The following VPS13A variants were observed in gnomAD, a reference collection of about 807,000 sequenced individuals.
VPS13A encodes the protein vacuolar protein sorting 13 homolog A, also known as intermembrane lipid transfer protein VPS13A.
Under a neutral mutation model 390.9 loss-of-function variants are expected in VPS13A, and 264 were observed. The observed-to-expected ratio is 0.68, with a 90% CI of 0.61 to 0.75. The LOEUF (loss-of-function observed/expected upper bound fraction) is 0.75. Ranked by LOEUF, VPS13A falls within the 30% of genes least tolerant of loss-of-function variation. The pLI, the probability that VPS13A is intolerant of heterozygous loss-of-function variation, is 0.00. For missense variants in VPS13A, 3,409 were observed against 3,733.9 expected, an observed-to-expected ratio of 0.91 and a Z score of 2.27; for synonymous variants, 1,231 against 1,227.1, an observed-to-expected ratio of 1.00 and a Z score of -0.07.
intron 3 of VPS13A, among the ~76,000 whole-genome samples, chr9:77,203,220 A>G (rs546100690): frequency 7.9e-4 from 120 of 152,260 alleles, no homozygotes; most frequent in African/African-American, 2.6e-3. Flanking sequence ...ACATCTGTGT[A>G]TTTTTTTGAA....
chr9:77,240,287 G>A (rs753535147), intron 19 of VPS13A, among the ~76,000 whole-genome samples: 9 of 151,100 alleles, frequency 6.0e-5, no homozygotes, highest in Non-Finnish European at 1.2e-4. Context: ...GGGTTTCACT[G>A]TGTTGGCCAG....
Position 77,417,098 on chromosome 9 carries a change from C to A in VPS13A, c.*1092C>A, listed in dbSNP as rs1835192762. The A allele has an allele frequency of 6.6e-6, 1 of 152,006 alleles. No homozygotes were observed. The highest frequency in any genetic ancestry group is 2.1e-4 in the South Asian group (1 of 4,820). The allele number at this position is 152,006 out of a possible 1,614,324, so 9.4% of individuals were successfully genotyped here. On this transcript the variant is annotated 3_prime_UTR_variant, in exon 72 of 72. Transcript: ENST00000360280. ...TGAGGTTTTCTTTCTTGGTTTTTGT[C>A]CAAGATCTTTGCACCTTAATATTAA...
chr9:77,405,733 T>C (rs1176898481), intron 69 of VPS13A, 131 bp from the exon 70 acceptor site: 1 of 1,209,668 alleles, frequency 8.3e-7, no homozygotes, highest in African/African-American at 1.5e-5. Flanking sequence ...TTTAAATTCA[T>C]TAAGAATATA....
In VPS13A at chr9:77,316,291, G is replaced by A; in HGVS notation, c.4748G>A (p.Cys1583Tyr). The A allele has an allele frequency of 1.2e-6, 2 of 1,613,306 alleles. No individual in the cohort carries two copies. Among genetic ancestry groups the A allele is most frequent in the Non-Finnish European group, 1.7e-6 (2 of 1,179,432 alleles). ...CCTGCTTTAGTCATTACAACACAAT[G>A]TGAAATTTGCTATAAAGGTAACCTT... ...DAPALVITTQCEICYKGNLEN... is the reference protein window; with the variant it reads ...DAPALVITTQYEICYKGNLEN... The change falls in exon 39 of 72, where the codon TGT (cysteine) becomes TAT (tyrosine). Residue 1583 changes from cysteine to tyrosine, a missense_variant. Physicochemically the swap from Cys to Tyr is radical, Grantham distance 194 (BLOSUM62 -2). Around this residue, in one of 5 missense-constraint regions of VPS13A, gnomAD observed 2,717 missense variants for 2,917.4 expected, o/e 0.93. Transcript: ENST00000360280.
intron 45 of VPS13A, among the ~76,000 whole-genome samples, chr9:77,327,374 G>T (rs1057189825): frequency 6.6e-6 from 1 of 152,028 alleles, no homozygotes; most frequent in Non-Finnish European, 1.5e-5. Context: ...CATGAATTTT[G>T]AATTTCTTAC....
intron 52 of VPS13A, among the ~76,000 whole-genome samples, chr9:77,348,419 A>G (rs1831279861): frequency 2.0e-5 from 3 of 152,162 alleles, no homozygotes; most frequent in South Asian, 4.1e-4. Flanking sequence ...AACAATGAGA[A>G]CACATGGACA....
At chr9:77,222,060 A>G (rs75978040) in intron 13 of VPS13A, among the ~76,000 whole-genome samples, 4,554 of 152,290 alleles carry the variant, frequency 0.03, 129 homozygotes, top group Middle Eastern at 0.054. Flanking sequence ...GATGAACTAT[A>G]GCTTAGAGAG....
chr9:77,346,658 C>G (rs1343727175), intron 52 of VPS13A, among the ~76,000 whole-genome samples: 1 of 152,084 alleles, frequency 6.6e-6, no homozygotes, highest in Non-Finnish European at 1.5e-5. Context: ...GTTTCAGGTT[C>G]TACATTTAAG....
At chr9:77,195,873 ATTTCC>A (rs1279347889) in intron 1 of VPS13A, among the ~76,000 whole-genome samples, 1 of 148,812 alleles carries the variant, frequency 6.7e-6, no homozygotes, top group African/African-American at 2.5e-5. Flanking sequence ...TTTTTTCCCT[ATTTCC>A]TTAAGGAATA....
At chr9:77,303,113 C>T in intron 34 of VPS13A, 51 bp downstream of exon 34, 1 of 1,596,730 alleles carries the variant, frequency 6.3e-7, no homozygotes, top group Non-Finnish European at 8.6e-7. Flanking sequence ...TTGAAAAATA[C>T]TGCTTGGGGA....
chr9:77,316,098 T>A, intron 38 of VPS13A, 76 bp from the exon 39 acceptor site: 1 of 829,648 alleles, frequency 1.2e-6, no homozygotes, highest in South Asian at 4.1e-5. Flanking sequence ...TATTATTTCA[T>A]TTTAATATTT....
intron 26 of VPS13A, among the ~76,000 whole-genome samples, chr9:77,277,008 G>T (rs1240460563): frequency 6.6e-6 from 1 of 152,132 alleles, no homozygotes; most frequent in African/African-American, 2.4e-5. Context: ...TTTGTTGGGG[G>T]CAGAGGGCAG....
intron 46 of VPS13A, among the ~76,000 whole-genome samples, chr9:77,333,256 G>A (rs1401644318): frequency 6.6e-6 from 1 of 151,994 alleles, no homozygotes; most frequent in Non-Finnish European, 1.5e-5. Flanking sequence ...AGAGAAAACA[G>A]TACCTTTATA....
rs1336543644 is a variant in VPS13A, at chr9:77,227,332, A to G, written c.1358-59A>G. The G allele has an allele frequency of 5.0e-6, 6 of 1,188,190 alleles. No individual in the cohort carries two copies. In the Admixed American group the frequency reaches 7.1e-5, roughly 14 times the overall value. The allele number at this position is 1,188,190 out of a possible 1,614,324, so 73.6% of individuals were successfully genotyped here. On this transcript the variant is annotated intron_variant, in intron 15 of 71. Coordinates refer to ENST00000360280, the MANE Select transcript of VPS13A (RefSeq NM_033305.3). Reference sequence around the variant, plus strand: ...CATTCTGTTTATTAAAGGCAGATACATTGTGTTAATTTTATTGTTTTTATT... The same window carrying G: ...CATTCTGTTTATTAAAGGCAGATACGTTGTGTTAATTTTATTGTTTTTATT...
chr9:77,201,351 A>C lies in VPS13A; in HGVS notation c.145-14A>C. 1.3e-6 allele frequency: 2 copies of C among 1,586,706 alleles called. No individual in the cohort carries two copies. Among genetic ancestry groups the C allele is most frequent in the Non-Finnish European group, 1.7e-6 (2 of 1,155,624 alleles). ...TCTACTAATGTTTTGTGTATATATA[A>C]ATTTTTTCTGTAGAGTCAACTGGAT... On this transcript the variant is annotated splice_polypyrimidine_tract_variant and intron_variant, in intron 2 of 71. Transcript: ENST00000360280.
intron 71 of VPS13A, among the ~76,000 whole-genome samples, chr9:77,411,535 C>T (rs1271412647): frequency 4.0e-5 from 6 of 151,670 alleles, no homozygotes; most frequent in East Asian, 2.0e-4. Context: ...AGGTGGCGGG[C>T]GCCTGTAGTC....
intron 71 of VPS13A, among the ~76,000 whole-genome samples, chr9:77,412,569 A>T (rs912960802): frequency 2.2e-4 from 33 of 152,188 alleles, no homozygotes; most frequent in Non-Finnish European, 4.4e-4. Flanking sequence ...AACTCTCAAT[A>T]AATTAATTAG....
chr9:77,220,186 T>A lies in VPS13A; in HGVS notation c.883-91T>A, dbSNP rs3802498. 0.089 allele frequency: 133,624 copies of A among 1,509,304 alleles called. 6,394 individuals are homozygous for A. Among genetic ancestry groups the A allele is most frequent in the East Asian group, 0.13 (5,681 of 42,202 alleles). The allele number at this position is 1,509,304 out of a possible 1,614,324, so 93.5% of individuals were successfully genotyped here. A position where few individuals can be genotyped will look rare whatever the true frequency, so the allele number is the denominator to read the frequency against. Reference sequence around the variant, plus strand: ...AATTCATGATGTTATATGGTAGCATTTCCCTAAAAAGTCAGTAATGTAACT... The same window carrying A: ...AATTCATGATGTTATATGGTAGCATATCCCTAAAAAGTCAGTAATGTAACT... On this transcript the variant is annotated intron_variant, in intron 11 of 71. Coordinates refer to ENST00000360280, the MANE Select transcript of VPS13A (RefSeq NM_033305.3).
At chr9:77,352,859 T>C (rs1233214938) in intron 53 of VPS13A, among the ~76,000 whole-genome samples, 1 of 152,156 alleles carries the variant, frequency 6.6e-6, no homozygotes, top group Non-Finnish European at 1.5e-5. Flanking sequence ...TGGCTGAATA[T>C]TAATTATGAG....
Sources: allele counts gnomAD v4.1 joint callset (sites outside exome capture counted in the v4.1 genomes callset), GRCh38; gene constraint gnomAD v4.1.1; regional missense constraint gnomAD v4.1.1; transcripts MANE v1.5; gene names NCBI Gene and HGNC (gene_info 2026-07-23, HGNC 2026-07-21).